The following SEMA6D variants were observed in gnomAD, a reference collection of about 807,000 sequenced individuals.
The protein encoded by SEMA6D is semaphorin-6D.
Under a neutral mutation model 106.6 loss-of-function variants are expected in SEMA6D, and 35 were observed. The ratio of observed to expected loss-of-function variants is 0.33; its 90% confidence interval spans 0.25 to 0.44. SEMA6D has a LOEUF of 0.44. Among genes scored for constraint, SEMA6D ranks in the 20% least tolerant of loss-of-function variants. The pLI, the probability that SEMA6D is intolerant of heterozygous loss-of-function variation, is 1.00. For synonymous variants in SEMA6D, 499 were observed against 487.7 expected (o/e 1.02, Z -0.31); for missense variants, 1,185 against 1,345.9 (o/e 0.88, Z 1.87).
chr15:47,624,112 C>T (rs2077159624), intron 4 of SEMA6D, among the ~76,000 whole-genome samples: 1 of 152,152 alleles, frequency 6.6e-6, no homozygotes, highest in African/African-American at 2.4e-5. Flanking sequence ...ATGATCTGTC[C>T]TCACCTTCAG....
chr15:47,202,754 C>G (rs907206648), intron 1 of SEMA6D, among the ~76,000 whole-genome samples: 1 of 152,134 alleles, frequency 6.6e-6, no homozygotes, highest in East Asian at 1.9e-4. Flanking sequence ...TTCTGCCTTA[C>G]GCCCCTCAAT....
chr15:47,676,127 G>A (rs2078240843), intron 4 of SEMA6D, among the ~76,000 whole-genome samples: 1 of 152,168 alleles, frequency 6.6e-6, no homozygotes, highest in South Asian at 2.1e-4. Flanking sequence ...ATTGGTAGTG[G>A]CTAATCTCTT....
rs1006656759 is a variant in SEMA6D, at chr15:47,384,823, T to G, written c.-238-27570T>G. 2.8e-4 allele frequency among the ~76,000 whole-genome samples: 23 copies of G among 81,688 alleles called. 1 individual carries two copies. The highest frequency in any genetic ancestry group is 2.7e-3 in the East Asian group (12 of 4,464). The allele number at this position is 81,688 out of a possible 152,430, so 53.6% of individuals were successfully genotyped here. On this transcript the variant is annotated intron_variant, in intron 1 of 19. Coordinates refer to the SEMA6D transcript ENST00000558014. ...ACATTTGATTACTAAAGTTTTTTTT[T>G]TTTTTTTTTTTTTTTTTTTTTTGTA...
At chr15:47,225,583 A>G (rs1680395214) in intron 1 of SEMA6D, among the ~76,000 whole-genome samples, 1 of 130,908 alleles carries the variant, frequency 7.6e-6, no homozygotes, top group South Asian at 2.3e-4. Context: ...GCTAGAGTGC[A>G]GTGGCGCGAT....
At chr15:47,748,648 G>T (rs1027240112) in intron 1 of SEMA6D, among the ~76,000 whole-genome samples, 8 of 152,210 alleles carry the variant, frequency 5.3e-5, no homozygotes, top group African/African-American at 1.9e-4. Flanking sequence ...AAAGAATAGC[G>T]TGTGCAGAAG....
At chr15:47,770,403 T>C in intron 18 of SEMA6D, 94 bp from the exon 19 acceptor site, 1 of 1,047,572 alleles carries the variant, frequency 9.5e-7, no homozygotes. Context: ...ATATGAACCA[T>C]ATGAAGGTCG....
intron 3 of SEMA6D, among the ~76,000 whole-genome samples, chr15:47,490,354 A>G (rs1177919780): frequency 6.6e-6 from 1 of 152,190 alleles, no homozygotes; most frequent in African/African-American, 2.4e-5. Context: ...AGACACTTTG[A>G]AGAAATTACA....
At chr15:47,185,005 A>C (rs923363978) in intron 1 of SEMA6D, among the ~76,000 whole-genome samples, 5 of 151,950 alleles carry the variant, frequency 3.3e-5, no homozygotes, top group African/African-American at 1.2e-4. Flanking sequence ...TTAGAGGGGA[A>C]GGGGTGGGGG....
intron 1 of SEMA6D, among the ~76,000 whole-genome samples, chr15:47,308,954 C>T (rs1045044608): frequency 6.6e-6 from 1 of 152,164 alleles, no homozygotes; most frequent in Non-Finnish European, 1.5e-5. Flanking sequence ...AAAGTTAAAA[C>T]ACACAGCTGC....
intron 1 of SEMA6D, among the ~76,000 whole-genome samples, chr15:47,315,859 G>C (rs2036647990): frequency 6.6e-6 from 1 of 151,962 alleles, no homozygotes; most frequent in South Asian, 2.1e-4. Context: ...CATTTAAATA[G>C]TATTGCATTT....
chr15:47,766,074 T>TC, intron 14 of SEMA6D, 31 bp from the exon 15 acceptor site: 1 of 1,613,064 alleles, frequency 6.2e-7, no homozygotes, highest in Non-Finnish European at 8.5e-7. Context: ...GATGAGAAAA[T>TC]CCAAGTTACA....
chr15:47,695,956 A>T (rs1426317649), intron 4 of SEMA6D, among the ~76,000 whole-genome samples: 1 of 152,228 alleles, frequency 6.6e-6, no homozygotes, highest in Non-Finnish European at 1.5e-5. Context: ...CATTTAAAAC[A>T]TTTAAAACAG....
chr15:47,664,588 G>T (rs1427388104), intron 4 of SEMA6D, among the ~76,000 whole-genome samples: 1 of 152,164 alleles, frequency 6.6e-6, no homozygotes, highest in Non-Finnish European at 1.5e-5. Context: ...TGACATAGGT[G>T]GATCATTGAG....
intron 3 of SEMA6D, among the ~76,000 whole-genome samples, chr15:47,568,945 C>T (rs1414568780): frequency 6.6e-6 from 1 of 152,090 alleles, no homozygotes; most frequent in Non-Finnish European, 1.5e-5. Context: ...CTAAGTAGAA[C>T]AGCAGTTTTC....
At chr15:47,767,372 T>C (rs1189201089) in intron 17 of SEMA6D, 2 of 279,272 alleles carry the variant, frequency 7.2e-6, no homozygotes, top group African/African-American at 2.2e-5. Flanking sequence ...CCACCCAAGC[T>C]TTCTTCTTTC....
intron 2 of SEMA6D, among the ~76,000 whole-genome samples, chr15:47,432,562 C>CGCATATGTATATACGTATACACCTATAT (rs2041569405): frequency 2.3e-5 from 1 of 43,260 alleles, no homozygotes; most frequent in African/African-American, 7.3e-5. Context: ...TATACATATA[C>CGCATATGTATATACGTATACACCTATAT]GCATATGTAT....
At chr15:47,528,102 G>A (rs1326532803) in intron 3 of SEMA6D, among the ~76,000 whole-genome samples, 1 of 152,152 alleles carries the variant, frequency 6.6e-6, no homozygotes, top group Non-Finnish European at 1.5e-5. Context: ...AAGGTGTAAG[G>A]CACCTGGTTG....
At chr15:47,367,559 A>G (rs539960161) in intron 1 of SEMA6D, among the ~76,000 whole-genome samples, 6 of 152,208 alleles carry the variant, frequency 3.9e-5, no homozygotes, top group African/African-American at 1.2e-4. Context: ...ATTTTTTCCT[A>G]AACTATAGCT....
In SEMA6D at chr15:47,765,947, G is replaced by A. The variant is rs773716027; in HGVS notation, c.1506G>A (p.Ala502=). Residue 502 remains alanine, a synonymous_variant, in exon 14 of 19, where the codon GCG becomes GCA. Coordinates refer to ENST00000536845, the MANE Select transcript of SEMA6D (RefSeq NM_001358351.3). Reference sequence around the variant, plus strand: ...AAGATCACCACGCTTTATATGTGGCGTTCTCTAGCTGCATTATCCGCATCC... The same window carrying A: ...AAGATCACCACGCTTTATATGTGGCATTCTCTAGCTGCATTATCCGCATCC... The part of the protein sequence containing the change: ...LDKDHHALYV[A]FSSCIIRIPL... 14 of 1,586,522 alleles carry A rather than the reference G, an allele frequency of 8.8e-6. 1 individual carries two copies. The highest frequency in any genetic ancestry group is 6.7e-5 in the East Asian group (3 of 44,696).
Sources: allele counts gnomAD v4.1 joint callset (sites outside exome capture counted in the v4.1 genomes callset), GRCh38; gene constraint gnomAD v4.1.1; transcripts MANE v1.5; gene names NCBI Gene and HGNC (gene_info 2026-07-23, HGNC 2026-07-21).